Variants in ZMYM2 observed in about 807,000 individuals in gnomAD.
ZMYM2 encodes zinc finger MYM-type containing 2.
ZMYM2 carries 56 observed loss-of-function variants against 162.8 expected under a neutral mutation model. The ratio of observed to expected loss-of-function variants is 0.34; its 90% CI spans 0.28 to 0.43. The LOEUF (loss-of-function observed/expected upper bound fraction) is 0.43, where lower values mean the gene tolerates loss of function less well. Ranked by LOEUF, ZMYM2 falls within the 20% of genes least tolerant of loss-of-function variation. The pLI, the probability that ZMYM2 is intolerant of heterozygous loss-of-function variation, is 1.00. For missense variants in ZMYM2, 1,275 were observed against 1,621.8 expected, an observed-to-expected ratio of 0.79 and a Z score of 3.67; for synonymous variants, 510 against 541.6, an observed-to-expected ratio of 0.94 and a Z score of 0.81.
chr13:19,928,772 G>A, the ZMYM2 span, among the ~76,000 whole-genome samples: 22 of 151,694 alleles, frequency 1.5e-4, no homozygotes, highest in South Asian at 4.4e-3. Flanking sequence ...ACTCCAGCCT[G>A]GGTGATAGAG....
At chr13:19,994,945 AT>A (rs1949907850) in intron 3 of ZMYM2, among the ~76,000 whole-genome samples, 1 of 151,094 alleles carries the variant, frequency 6.6e-6, no homozygotes, top group Non-Finnish European at 1.5e-5. Flanking sequence ...TGATCCTTCC[AT>A]CGCAGCCTCC....
At chr13:20,007,088 G>A (rs34775369) in intron 6 of ZMYM2, among the ~76,000 whole-genome samples, 2 of 152,010 alleles carry the variant, frequency 1.3e-5, no homozygotes, top group Non-Finnish European at 2.9e-5. Flanking sequence ...TTTAAACCTC[G>A]GCTTGAAGTG....
At chr13:19,886,630 G>GT in the ZMYM2 span, among the ~76,000 whole-genome samples, 1 of 151,274 alleles carries the variant, frequency 6.6e-6, no homozygotes, top group Non-Finnish European at 1.5e-5. Context: ...TTTCACTCAG[G>GT]TTTTTTTGTT....
In ZMYM2 at chr13:20,020,216, G is replaced by GCTATTATTATT. The variant is rs1951954405; in HGVS notation, c.1584+600_1584+610dup. ...TCTAGAATCCAGTACAGGATCATAG[G>GCTATTATTATT]CTATTATTATTCCTCTTCTTTTTTT... On this transcript the variant is annotated intron_variant, in intron 7 of 24. Transcript: ENST00000610343. Among the ~76,000 whole-genome samples, 3 of 151,146 alleles carry GCTATTATTATT rather than the reference G, an allele frequency of 2.0e-5. No individual in the cohort carries two copies. The South Asian group carries it at 6.3e-4, about 32-fold the overall frequency.
chr13:19,870,295 A>G, the ZMYM2 span, among the ~76,000 whole-genome samples: 1 of 152,126 alleles, frequency 6.6e-6, no homozygotes, highest in Non-Finnish European at 1.5e-5. Context: ...AGCTGAGACT[A>G]CAGGTATGTA....
rs1264809622 is a variant in ZMYM2 at position 19,960,025 on chromosome 13, T to C, written c.-12T>C. The stretch of plus-strand genomic sequence containing the variant: ...GAAAGTGAGGAGGAAAACACCCCCA[T>C]TGTGAGTCCTTTGCCCCTAATTTGT... On this transcript the variant is annotated splice_region_variant and 5_prime_UTR_variant, in exon 2 of 25. Transcript: ENST00000610343. 1 of 152,306 alleles carries C rather than the reference T, an allele frequency of 6.6e-6. No homozygotes were observed. The highest frequency in any genetic ancestry group is 1.5e-5 in the Non-Finnish European group (1 of 68,138). 9.4% of individuals were successfully genotyped at this position (152,306 alleles called of 1,614,324 possible). A position where few individuals can be genotyped will look rare whatever the true frequency, so the allele number is the denominator to read the frequency against.
intron 12 of ZMYM2, among the ~76,000 whole-genome samples, chr13:20,045,841 TATA>T (rs750941459): frequency 1.9e-4 from 29 of 152,292 alleles, no homozygotes; most frequent in South Asian, 2.1e-4. Context: ...TTTAATATTG[TATA>T]ATAATCTTTC....
the ZMYM2 span, among the ~76,000 whole-genome samples, chr13:19,895,419 T>C: frequency 3.9e-5 from 6 of 151,912 alleles, no homozygotes; most frequent in Admixed American, 3.9e-4. Context: ...AAAAGAAATT[T>C]ATTTATCATA....
chr13:20,006,949 T>C (rs1950789068), intron 6 of ZMYM2, among the ~76,000 whole-genome samples: 1 of 152,194 alleles, frequency 6.6e-6, no homozygotes, highest in Non-Finnish European at 1.5e-5. Flanking sequence ...TTAGGGAACA[T>C]CTGTGTATGT....
chr13:19,967,264 C>T (rs9315234), intron 2 of ZMYM2, among the ~76,000 whole-genome samples: 55 of 151,954 alleles, frequency 3.6e-4, no homozygotes, highest in African/African-American at 1.2e-3. Flanking sequence ...ACAGTAAACT[C>T]GTGAATTTGG....
At chr13:19,966,237 T>G (rs1346530472) in intron 2 of ZMYM2, among the ~76,000 whole-genome samples, 1 of 150,676 alleles carries the variant, frequency 6.6e-6, no homozygotes, top group African/African-American at 2.4e-5. Context: ...CGGGTTCAAG[T>G]GATTCTCCTG....
chr13:19,894,648 C>G, the ZMYM2 span, among the ~76,000 whole-genome samples: 1 of 151,862 alleles, frequency 6.6e-6, no homozygotes, highest in Non-Finnish European at 1.5e-5. Flanking sequence ...AGCCAAAGTA[C>G]TGGATATATA....
the ZMYM2 span, among the ~76,000 whole-genome samples, chr13:19,903,952 G>A: frequency 1.3e-5 from 2 of 152,038 alleles, no homozygotes; most frequent in South Asian, 4.1e-4. Flanking sequence ...GGAACTTTTT[G>A]TCTCTTTGTA....
At chr13:19,917,532 G>A in the ZMYM2 span, among the ~76,000 whole-genome samples, 4 of 150,430 alleles carry the variant, frequency 2.7e-5, no homozygotes, top group Non-Finnish European at 4.4e-5. Context: ...AGAGGTTGCA[G>A]TGAGCCGAGA....
At chr13:20,046,418 G>A (rs1954785952) in intron 12 of ZMYM2, among the ~76,000 whole-genome samples, 1 of 151,732 alleles carries the variant, frequency 6.6e-6, no homozygotes, top group South Asian at 2.1e-4. Flanking sequence ...GCCAGGCATG[G>A]TGGTGCATGC....
the ZMYM2 span, among the ~76,000 whole-genome samples, chr13:19,887,008 A>T: frequency 2.6e-5 from 4 of 151,796 alleles, no homozygotes; most frequent in Admixed American, 6.6e-5. Context: ...CCCCTGGTGT[A>T]AATTAACATT....
At chr13:20,066,712 C>G in intron 19 of ZMYM2, 139 bp from the exon 20 acceptor site, 2 of 726,384 alleles carry the variant, frequency 2.8e-6, no homozygotes, top group Non-Finnish European at 4.0e-6. Flanking sequence ...ACATACGTGT[C>G]CAAGTGGACC....
intron 13 of ZMYM2, 40 bp from the exon 14 acceptor site, chr13:20,052,237 A>G (rs1566403199): frequency 6.7e-7 from 1 of 1,487,890 alleles, no homozygotes; most frequent in Non-Finnish European, 9.1e-7. Flanking sequence ...TTCTGAAGAA[A>G]GAGTATTTGT....
intron 2 of ZMYM2, among the ~76,000 whole-genome samples, chr13:19,972,015 A>G (rs1956378925): frequency 6.6e-6 from 1 of 152,210 alleles, no homozygotes. Context: ...AAATTACTTG[A>G]AAGTACCTTG....
Sources: allele counts gnomAD v4.1 joint callset (sites outside exome capture counted in the v4.1 genomes callset), GRCh38; gene constraint gnomAD v4.1.1; transcripts MANE v1.5; gene names NCBI Gene and HGNC (gene_info 2026-07-23, HGNC 2026-07-21).